The following ZNF131 variants were observed in gnomAD, a reference collection of about 807,000 sequenced individuals.
ZNF131 encodes zinc finger and BTB domain containing 35, also known as zinc finger protein 131.
ZNF131 carries 7 observed loss-of-function variants against 60.0 expected under a neutral mutation model. The ratio of observed to expected loss-of-function variants is 0.12; its 90% confidence interval spans 0.07 to 0.22. The LOEUF is 0.22. ZNF131 is among the 10% of genes least tolerant of loss of function. ZNF131 has a pLI of 1.00. For missense variants in ZNF131, 493 were observed against 740.9 expected, an observed-to-expected ratio of 0.67 and a Z score of 3.88; for synonymous variants, 257 against 253.2, an observed-to-expected ratio of 1.01 and a Z score of -0.14.
Position 43,162,987 on chromosome 5 carries a change from T to TTTTTTTTTTTG in ZNF131, c.1054+1056_1054+1057insTTTTTTTTTTG, listed in dbSNP as rs1243576255. 2.2e-4 allele frequency among the ~76,000 whole-genome samples: 31 copies of TTTTTTTTTTTG among 138,974 alleles called. 2 individuals carry two copies. The highest frequency in any genetic ancestry group is 7.9e-4 in the African/African-American group (30 of 37,878). The allele number at this position is 138,974 out of a possible 152,430, so 91.2% of individuals were successfully genotyped here. On this transcript the variant is annotated intron_variant, in intron 5 of 6. Transcript: ENST00000682664. ...TATTTGCCTTTTTTTTTTTTTTTTT[T>TTTTTTTTTTTG]GGCAGATGGAGTCTCGCTCTGTTGC...
At chr5:43,136,910 C>G (rs547735727) in intron 3 of ZNF131, among the ~76,000 whole-genome samples, 1 of 152,136 alleles carries the variant, frequency 6.6e-6, no homozygotes, top group East Asian at 1.9e-4. Flanking sequence ...TAAAAACATG[C>G]AAATAATATG....
At chr5:43,127,018 C>CA (rs374546804) in intron 3 of ZNF131, among the ~76,000 whole-genome samples, 16 of 152,274 alleles carry the variant, frequency 1.1e-4, no homozygotes, top group African/African-American at 3.9e-4. Flanking sequence ...CCAGGAAACT[C>CA]ACTACTGTTT....
chr5:43,126,750 CT>C (rs1316165935), intron 3 of ZNF131, among the ~76,000 whole-genome samples: 1 of 152,154 alleles, frequency 6.6e-6, no homozygotes, highest in Non-Finnish European at 1.5e-5. Flanking sequence ...GAAGAACTCT[CT>C]TTTAGAGTTT....
intron 4 of ZNF131, among the ~76,000 whole-genome samples, chr5:43,157,167 A>G (rs1327027971): frequency 6.6e-6 from 1 of 151,218 alleles, no homozygotes; most frequent in Non-Finnish European, 1.5e-5. Flanking sequence ...GACTGACTGC[A>G]AAAAAAACTT....
At chr5:43,139,394 C>G in intron 4 of ZNF131, 85 bp downstream of exon 4, 22 of 1,289,672 alleles carry the variant, frequency 1.7e-5, no homozygotes, top group Non-Finnish European at 2.2e-5. Context: ...ATGTGTCATG[C>G]CATGAAGAAC....
At chr5:43,129,417 C>T (rs1745011542) in intron 3 of ZNF131, among the ~76,000 whole-genome samples, 1 of 151,990 alleles carries the variant, frequency 6.6e-6, no homozygotes, top group African/African-American at 2.4e-5. Context: ...TCTCATCAGT[C>T]AGGACAGGGA....
intron 3 of ZNF131, chr5:43,124,262 C>A (rs1427692440): frequency 6.6e-6 from 1 of 152,162 alleles, no homozygotes; most frequent in African/African-American, 2.4e-5. Context: ...TAACTCCTCC[C>A]CTACCACCAG....
In ZNF131 at chr5:43,123,270, C is replaced by G; in HGVS notation, c.186C>G (p.Phe62Leu). 1.9e-6 allele frequency: 3 copies of G among 1,611,846 alleles called. No homozygotes were observed. Among genetic ancestry groups the G allele is most frequent in the East Asian group, 2.2e-5 (1 of 44,770 alleles). ...LAACSKFFYK[F>L]FQEFTQEPLV... ...CTTGTAGTAAGTTCTTCTACAAATT[C>G]TTTCAGGAGTTTACCCAAGAACCAT... The change falls in exon 3 of 7, where the codon TTC becomes TTG. Residue 62 changes from phenylalanine (F) to leucine (L), a missense_variant. Physicochemically the swap from Phe to Leu is conservative, Grantham distance 22. Around this residue, in one of 7 missense-constraint regions of ZNF131, gnomAD observed 66 missense variants for 148.0 expected, o/e 0.45. Coordinates refer to ENST00000682664, the MANE Select transcript of ZNF131 (RefSeq NM_001330707.2).
chr5:43,161,159 T>C lies in ZNF131; in HGVS notation c.372-90T>C, dbSNP rs1749643807. 13 of 1,194,452 alleles carry C rather than the reference T, an allele frequency of 1.1e-5. No individual in the cohort carries two copies. In the South Asian group the frequency reaches 1.8e-4, roughly 17 times the overall value. 74.0% of individuals were successfully genotyped at this position (1,194,452 alleles called of 1,614,324 possible). A position where few individuals can be genotyped will look rare whatever the true frequency, so the allele number is the denominator to read the frequency against. On this transcript the variant is annotated intron_variant, in intron 4 of 6. Coordinates refer to ENST00000682664, the MANE Select transcript of ZNF131 (RefSeq NM_001330707.2). ...CAGTCTTGTTTTATAACTGTTTATA[T>C]AAATTTTATTGCCACTTTATCAGTT...
chr5:43,143,268 G>T (rs770437706), intron 4 of ZNF131: 6 of 627,016 alleles, frequency 9.6e-6, no homozygotes, highest in Non-Finnish European at 1.3e-5. Context: ...TGATCTGCCC[G>T]CCTCTGCCTC....
At chr5:43,153,463 TA>T (rs35596507) in intron 4 of ZNF131, among the ~76,000 whole-genome samples, 20,810 of 60,420 alleles carry the variant, frequency 0.34, 2,491 homozygotes, top group East Asian at 0.51. Flanking sequence ...CCATCTCTAC[TA>T]AAAAAAAAAA....
chr5:43,154,774 C>G (rs1030853288), intron 4 of ZNF131, among the ~76,000 whole-genome samples: 1 of 152,120 alleles, frequency 6.6e-6, no homozygotes, highest in Non-Finnish European at 1.5e-5. Flanking sequence ...GAGAATAGTC[C>G]CTTATCTTGC....
intron 4 of ZNF131, among the ~76,000 whole-genome samples, chr5:43,148,251 T>TG (rs975238586): frequency 1.3e-5 from 2 of 151,678 alleles, no homozygotes; most frequent in Non-Finnish European, 2.9e-5. Flanking sequence ...TGGTGGCACA[T>TG]GCCTGTAGTC....
chr5:43,124,258 C>T (rs1744226893), intron 3 of ZNF131: 1 of 152,160 alleles, frequency 6.6e-6, no homozygotes, highest in African/African-American at 2.4e-5. Flanking sequence ...GCAGTAACTC[C>T]TCCCCTACCA....
In ZNF131 at chr5:43,139,205, A is replaced by G; in HGVS notation, c.267A>G (p.Thr89=). The G allele has an allele frequency of 1.9e-6, 3 of 1,612,354 alleles. No homozygotes were observed. The highest frequency in any genetic ancestry group is 2.2e-5 in the East Asian group (1 of 44,730). Residue 89 remains threonine (T), a synonymous_variant, in exon 4 of 7, where the codon ACA becomes ACG. Coordinates refer to ENST00000682664, the MANE Select transcript of ZNF131 (RefSeq NM_001330707.2). ...CCTTTCGCCATTTAATTGAGTTCACATATACAGCAAAATTAATGATACAAG... is the reference window on the plus strand; with the variant it reads ...CCTTTCGCCATTTAATTGAGTTCACGTATACAGCAAAATTAATGATACAAG... The part of the protein sequence containing the change: ...KMAFRHLIEF[T]YTAKLMIQGE...
chr5:43,157,999 A>G (rs1214404901), intron 4 of ZNF131, among the ~76,000 whole-genome samples: 1 of 151,906 alleles, frequency 6.6e-6, no homozygotes, highest in East Asian at 1.9e-4. Context: ...ACTGAGTTTG[A>G]CTCTTATTGC....
intron 5 of ZNF131, among the ~76,000 whole-genome samples, chr5:43,169,043 T>C (rs1384439036): frequency 2.0e-5 from 3 of 152,234 alleles, no homozygotes; most frequent in Non-Finnish European, 2.9e-5. Context: ...CCTTTAGCCA[T>C]GTTTTCAAAC....
intron 6 of ZNF131, 69 bp downstream of exon 6, chr5:43,173,517 G>A (rs1388866871): frequency 4.5e-6 from 7 of 1,539,438 alleles, no homozygotes; most frequent in South Asian, 1.3e-5. Flanking sequence ...AAAAGCAAAG[G>A]GAAACAGAGT....
chr5:43,123,321 C>T lies in ZNF131; in HGVS notation c.226+11C>T, dbSNP rs1561380434. ...TGGTGGAGATAGAAGGTAAATGATTCTTGTTGTTTTTTTATTTAATAAATC... is the reference window on the plus strand; with the variant it reads ...TGGTGGAGATAGAAGGTAAATGATTTTTGTTGTTTTTTTATTTAATAAATC... On this transcript the variant is annotated intron_variant, in intron 3 of 6. Coordinates refer to ENST00000682664, the MANE Select transcript of ZNF131 (RefSeq NM_001330707.2). 1 of 1,575,214 alleles carries T rather than the reference C, an allele frequency of 6.3e-7. No individual in the cohort carries two copies. The highest frequency in any genetic ancestry group is 1.2e-5 in the South Asian group (1 of 84,990).
Sources: gnomAD v4.1 joint callset for allele counts (sites outside exome capture counted in the v4.1 genomes callset) on GRCh38, gnomAD v4.1.1 for gene constraint, gnomAD v4.1.1 regional missense constraint, MANE v1.5 for transcripts, NCBI Gene and HGNC (gene_info 2026-07-23, HGNC 2026-07-21) for gene names.